LRRTM4: variants seen among roughly 807,000 people sequenced by gnomAD.
LRRTM4 encodes leucine rich repeat transmembrane neuronal 4.
A neutral mutation model predicts 47.6 loss-of-function variants in LRRTM4; 25 were observed. The ratio of observed to expected loss-of-function variants is 0.53; its 90% confidence interval spans 0.38 to 0.73. LRRTM4 has a LOEUF of 0.73. Among genes scored for constraint, LRRTM4 ranks in the 30% least tolerant of loss-of-function variants. The pLI is 0.00. For synonymous variants in LRRTM4, 311 were observed against 269.5 expected (o/e 1.15, Z -1.51); for missense variants, 638 against 713.4 (o/e 0.89, Z 1.20).
chr2:77,081,391 A>C (rs559825030), intron 3 of LRRTM4, among the ~76,000 whole-genome samples: 1 of 152,092 alleles, frequency 6.6e-6, no homozygotes, highest in African/African-American at 2.4e-5. Flanking sequence ...ATTAAATGTA[A>C]AAGGTGTTCA....
At chr2:76,933,335 G>T (rs962544440) in intron 3 of LRRTM4, among the ~76,000 whole-genome samples, 4 of 151,960 alleles carry the variant, frequency 2.6e-5, no homozygotes, top group Non-Finnish European at 4.4e-5. Context: ...TCTTAAAACT[G>T]TGTTTCTCTG....
chr2:77,138,116 C>T (rs762189687), intron 3 of LRRTM4, among the ~76,000 whole-genome samples: 1 of 152,276 alleles, frequency 6.6e-6, no homozygotes, highest in East Asian at 1.9e-4. Context: ...AGCTCTGCAC[C>T]AAGTGGAACT....
intron 3 of LRRTM4, among the ~76,000 whole-genome samples, chr2:77,492,998 C>A (rs1380036886): frequency 6.6e-6 from 1 of 151,918 alleles, no homozygotes; most frequent in African/African-American, 2.4e-5. Flanking sequence ...TTTTAGAAGT[C>A]TTATAAATCA....
chr2:77,070,761 G>A (rs993370012), intron 3 of LRRTM4, among the ~76,000 whole-genome samples: 7 of 152,050 alleles, frequency 4.6e-5, no homozygotes, highest in Non-Finnish European at 1.0e-4. Flanking sequence ...CTCCTGAGTA[G>A]CTGGGACTAC....
chr2:77,386,666 G>A (rs927007321), intron 3 of LRRTM4, among the ~76,000 whole-genome samples: 3 of 152,092 alleles, frequency 2.0e-5, no homozygotes, highest in Non-Finnish European at 4.4e-5. Context: ...AGATCCTTGA[G>A]GAATCGCCAC....
intron 3 of LRRTM4, among the ~76,000 whole-genome samples, chr2:77,509,199 T>G (rs975643018): frequency 6.4e-5 from 9 of 141,302 alleles, no homozygotes; most frequent in African/African-American, 2.5e-4. Flanking sequence ...ACAATTGCAC[T>G]CCAGCCTGGG....
chr2:77,280,942 A>T (rs142985375), intron 3 of LRRTM4, among the ~76,000 whole-genome samples: 116 of 152,108 alleles, frequency 7.6e-4, no homozygotes, highest in African/African-American at 2.6e-3. Context: ...GCTTAAATCC[A>T]TCCCCTGTCT....
chr2:76,966,765 C>A (rs1163672614), intron 3 of LRRTM4, among the ~76,000 whole-genome samples: 1 of 151,342 alleles, frequency 6.6e-6, no homozygotes, highest in Non-Finnish European at 1.5e-5. Flanking sequence ...TTTTGCAATT[C>A]TTATACAACA....
chr2:77,459,659 C>T (rs959932587), intron 3 of LRRTM4, among the ~76,000 whole-genome samples: 12 of 151,268 alleles, frequency 7.9e-5, no homozygotes, highest in Non-Finnish European at 1.5e-5. Flanking sequence ...GGTGAAGCCC[C>T]TGTGAAATAA....
intron 3 of LRRTM4, among the ~76,000 whole-genome samples, chr2:77,254,688 A>G (rs13382332): frequency 0.12 from 18,677 of 151,904 alleles, 3,842 homozygotes; most frequent in African/African-American, 0.42. Context: ...AAAGGGATAA[A>G]TGTTTTCTCT....
At chr2:76,976,603 A>C (rs1676426147) in intron 3 of LRRTM4, among the ~76,000 whole-genome samples, 1 of 151,734 alleles carries the variant, frequency 6.6e-6, no homozygotes, top group Non-Finnish European at 1.5e-5. Context: ...GCCTAGGCTC[A>C]GCCTAATTCA....
At chr2:77,169,444 A>G (rs139214369) in intron 3 of LRRTM4, among the ~76,000 whole-genome samples, 95 of 152,168 alleles carry the variant, frequency 6.2e-4, no homozygotes, top group African/African-American at 2.3e-3. Context: ...TATGGTTTGA[A>G]TGTCCCCTCC....
At chr2:76,937,635 C>G (rs1422628562) in intron 3 of LRRTM4, among the ~76,000 whole-genome samples, 1 of 152,196 alleles carries the variant, frequency 6.6e-6, no homozygotes, top group African/African-American at 2.4e-5. Context: ...GTGGTGCGAT[C>G]CCGACTCACT....
At chr2:77,026,995 A>G (rs191216443) in intron 3 of LRRTM4, among the ~76,000 whole-genome samples, 440 of 152,272 alleles carry the variant, frequency 2.9e-3, no homozygotes, top group Non-Finnish European at 4.4e-3. Flanking sequence ...CTGGAACAGA[A>G]TTTGAGTTCC....
intron 3 of LRRTM4, among the ~76,000 whole-genome samples, chr2:76,997,221 G>A (rs1161223640): frequency 6.6e-6 from 1 of 152,048 alleles, no homozygotes; most frequent in African/African-American, 2.4e-5. Context: ...CTTTGACACT[G>A]ATTTCTAGAA....
intron 3 of LRRTM4, among the ~76,000 whole-genome samples, chr2:77,277,603 T>C (rs911571708): frequency 2.0e-5 from 3 of 152,058 alleles, no homozygotes; most frequent in African/African-American, 7.2e-5. Flanking sequence ...CCTAAGCCAC[T>C]GGAGAATGGT....
intron 3 of LRRTM4, among the ~76,000 whole-genome samples, chr2:77,003,806 C>G (rs1454065742): frequency 6.6e-6 from 1 of 152,032 alleles, no homozygotes; most frequent in East Asian, 1.9e-4. Context: ...TTGGAGGGCT[C>G]AGAAGACAGA....
At chr2:76,900,761 T>G (rs1673597191) in intron 3 of LRRTM4, among the ~76,000 whole-genome samples, 1 of 152,214 alleles carries the variant, frequency 6.6e-6, no homozygotes, top group Non-Finnish European at 1.5e-5. Context: ...GGAATATCAC[T>G]GAAATTAATC....
intron 3 of LRRTM4, among the ~76,000 whole-genome samples, chr2:77,365,734 C>T (rs977159941): frequency 1.8e-4 from 27 of 151,044 alleles, no homozygotes; most frequent in African/African-American, 6.5e-4. Context: ...AATTTTACTA[C>T]AGTAGGATAA....
Sources: gnomAD v4.1 joint callset for allele counts (sites outside exome capture counted in the v4.1 genomes callset) on GRCh38, gnomAD v4.1.1 for gene constraint, MANE v1.5 for transcripts, NCBI Gene and HGNC (gene_info 2026-07-23, HGNC 2026-07-21) for gene names.